Variants in CD44 observed in about 807,000 individuals in gnomAD.
CD44 encodes the protein CD44 antigen.
A neutral mutation model predicts 88.8 loss-of-function variants in CD44; 49 were observed. The observed-to-expected ratio is 0.55, with a 90% confidence interval of 0.44 to 0.70. The LOEUF (loss-of-function observed/expected upper bound fraction) is 0.70, where lower values mean the gene tolerates loss of function less well. Ranked by LOEUF, CD44 falls within the 30% of genes least tolerant of loss-of-function variation. CD44 has a pLI of 0.00. For synonymous variants in CD44, 325 were observed against 312.3 expected (o/e 1.04, Z -0.43); for missense variants, 883 against 913.8 (o/e 0.97, Z 0.43).
intron 1 of CD44, among the ~76,000 whole-genome samples, chr11:35,162,256 C>T (rs563137184): frequency 6.6e-6 from 1 of 151,948 alleles, no homozygotes; most frequent in African/African-American, 2.4e-5. Context: ...GTTGTTCCCA[C>T]CCTGATGGTT....
At chr11:35,205,490 G>T (rs1165942011) in intron 10 of CD44, among the ~76,000 whole-genome samples, 1 of 152,166 alleles carries the variant, frequency 6.6e-6, no homozygotes, top group African/African-American at 2.4e-5. Context: ...TTGCTAAGAG[G>T]ATGCTATTGT....
intron 17 of CD44, among the ~76,000 whole-genome samples, chr11:35,228,084 C>T (rs1168544057): frequency 1.3e-5 from 2 of 152,184 alleles, no homozygotes. Flanking sequence ...ACTTTCCTTC[C>T]TCTAAGCATA....
At chr11:35,221,167 A>G (rs1284945576) in intron 16 of CD44, among the ~76,000 whole-genome samples, 1 of 152,104 alleles carries the variant, frequency 6.6e-6, no homozygotes, top group African/African-American at 2.4e-5. Flanking sequence ...GTCATTGAAT[A>G]TTTCCTCCTC....
rs1256941621 is a variant in CD44 at position 35,221,846 on chromosome 11, G to T, written c.2024+114G>T. 4.5e-5 allele frequency: 42 copies of T among 932,522 alleles called. 2 individuals carry two copies. In the South Asian group the frequency reaches 5.3e-4, roughly 12 times the overall value. 57.8% of individuals were successfully genotyped at this position (932,522 alleles called of 1,614,324 possible). A position where few individuals can be genotyped will look rare whatever the true frequency, so the allele number is the denominator to read the frequency against. ...GGAACCAGCAGCCTGGGTACCCTGG[G>T]AGTTTGTTGGAAATGCACAATCTCA... is the stretch of plus-strand genomic sequence containing the variant. On this transcript the variant is annotated intron_variant, in intron 17 of 17. Transcript: ENST00000428726.
At chr11:35,201,650 A>T in intron 8 of CD44, 21 bp from the exon 9 acceptor site, 1 of 1,613,250 alleles carries the variant, frequency 6.2e-7, no homozygotes, top group Non-Finnish European at 8.5e-7. Context: ...GTCACAGTGT[A>T]TTTAACCATC....
intron 15 of CD44, among the ~76,000 whole-genome samples, chr11:35,217,157 C>T: frequency 6.6e-6 from 1 of 152,132 alleles, no homozygotes; most frequent in South Asian, 2.1e-4. Flanking sequence ...ATCAAGCAGA[C>T]AGGAGCCAGT....
intron 1 of CD44, among the ~76,000 whole-genome samples, chr11:35,173,709 T>G (rs1198006128): frequency 6.6e-6 from 1 of 152,256 alleles, no homozygotes; most frequent in Non-Finnish European, 1.5e-5. Context: ...ATTTTGCATT[T>G]GTTAGACATT....
chr11:35,177,506 A>G (rs1944588424), intron 2 of CD44, among the ~76,000 whole-genome samples: 1 of 152,256 alleles, frequency 6.6e-6, no homozygotes, highest in Non-Finnish European at 1.5e-5. Flanking sequence ...AACCTCTGCA[A>G]CTGCTCTGAA....
At chr11:35,146,162 G>A (rs866080913) in intron 1 of CD44, among the ~76,000 whole-genome samples, 1 of 152,162 alleles carries the variant, frequency 6.6e-6, no homozygotes, top group Non-Finnish European at 1.5e-5. Flanking sequence ...GTGTCCCTGC[G>A]AAGTGCAAGT....
chr11:35,176,340 C>A (rs972199455), intron 1 of CD44, among the ~76,000 whole-genome samples: 2 of 151,796 alleles, frequency 1.3e-5, no homozygotes, highest in African/African-American at 4.8e-5. Context: ...CCGCGCCCGG[C>A]CTAATTTTTG....
At chr11:35,195,476 C>A (rs1946651707) in intron 5 of CD44, among the ~76,000 whole-genome samples, 1 of 151,912 alleles carries the variant, frequency 6.6e-6, no homozygotes, top group Admixed American at 6.6e-5. Context: ...TAAATGTTGA[C>A]AATGTTTATC....
At chr11:35,149,232 G>A (rs1416311095) in intron 1 of CD44, among the ~76,000 whole-genome samples, 3 of 152,180 alleles carry the variant, frequency 2.0e-5, no homozygotes, top group Non-Finnish European at 4.4e-5. Context: ...GAATAAAAGG[G>A]CAGTTGTTTC....
intron 9 of CD44, among the ~76,000 whole-genome samples, chr11:35,203,432 CTT>C (rs1947504374): frequency 6.6e-6 from 1 of 151,986 alleles, no homozygotes; most frequent in African/African-American, 2.4e-5. Context: ...GTTTTTGTAA[CTT>C]CATTATTTAT....
At chr11:35,184,097 C>G (rs1349834066) in intron 3 of CD44, among the ~76,000 whole-genome samples, 1 of 152,116 alleles carries the variant, frequency 6.6e-6, no homozygotes, top group Non-Finnish European at 1.5e-5. Flanking sequence ...CCAGGTCTAG[C>G]TTTCCAAGCA....
chr11:35,226,512 A>G (rs74938975), intron 17 of CD44, among the ~76,000 whole-genome samples: 22,756 of 152,194 alleles, frequency 0.15, 1,896 homozygotes, highest in Middle Eastern at 0.24. Flanking sequence ...AGGAGAAACA[A>G]GCAAAATTCA....
At chr11:35,156,777 T>A (rs1321012035) in intron 1 of CD44, among the ~76,000 whole-genome samples, 1 of 152,230 alleles carries the variant, frequency 6.6e-6, no homozygotes, top group Admixed American at 6.5e-5. Flanking sequence ...ATGCCTGTAA[T>A]TCAGCACTTT....
intron 5 of CD44, among the ~76,000 whole-genome samples, chr11:35,192,618 C>G (rs1946370715): frequency 6.6e-6 from 1 of 152,084 alleles, no homozygotes; most frequent in African/African-American, 2.4e-5. Flanking sequence ...TAAGAATAAC[C>G]ATCTGGGTAG....
Position 35,139,207 on chromosome 11 carries a change from G to C in CD44, c.-97G>C. 1 of 927,882 alleles carries C rather than the reference G, an allele frequency of 1.1e-6. No individual in the cohort carries two copies. The highest frequency in any genetic ancestry group is 1.7e-6 in the Non-Finnish European group (1 of 584,722). The allele number at this position is 927,882 out of a possible 1,614,324, so 57.5% of individuals were successfully genotyped here. On this transcript the variant is annotated 5_prime_UTR_variant, in exon 1 of 18. Transcript: ENST00000428726. ...GCGGACCCCAGCCTCTGCCAGGTTC[G>C]GTCCGCCATCCTCGTCCCGTCCTCC...
intron 1 of CD44, among the ~76,000 whole-genome samples, chr11:35,167,886 A>G (rs1295947818): frequency 1.3e-5 from 2 of 152,218 alleles, no homozygotes; most frequent in Non-Finnish European, 2.9e-5. Context: ...CAGGCTGTAA[A>G]GGGCAGGAGG....
Sources: gnomAD v4.1 joint callset for allele counts (sites outside exome capture counted in the v4.1 genomes callset) on GRCh38, gnomAD v4.1.1 for gene constraint, MANE v1.5 for transcripts, NCBI Gene and HGNC (gene_info 2026-07-23, HGNC 2026-07-21) for gene names.